Variants in CTNNA3 observed in about 807,000 individuals in gnomAD.
The protein encoded by CTNNA3 is catenin alpha 3, also known as catenin alpha-3.
CTNNA3 carries 76 observed loss-of-function variants against 95.7 expected under a neutral mutation model. The ratio of observed to expected loss-of-function variants is 0.79; its 90% CI spans 0.66 to 0.96. The LOEUF is 0.96. CTNNA3 is among the 40% of genes least tolerant of loss of function. CTNNA3 has a pLI of 0.00. For missense variants in CTNNA3, 1,191 were observed against 1,089.8 expected (o/e 1.09, Z -1.31); for synonymous variants, 431 against 374.4 (o/e 1.15, Z -1.74).
At chr10:67,648,986 T>C (rs1319119470) in intron 1 of CTNNA3, among the ~76,000 whole-genome samples, 1 of 152,238 alleles carries the variant, frequency 6.6e-6, no homozygotes, top group African/African-American at 2.4e-5. Context: ...GAAATCTAAA[T>C]TGACAGATAG....
chr10:66,619,842 C>A (rs569434722), intron 10 of CTNNA3, among the ~76,000 whole-genome samples: 1 of 151,708 alleles, frequency 6.6e-6, no homozygotes, highest in South Asian at 2.1e-4. Flanking sequence ...TACATGTGTA[C>A]GTGTATTTAT....
intron 2 of CTNNA3, among the ~76,000 whole-genome samples, chr10:67,626,547 C>T (rs1023390912): frequency 1.3e-5 from 2 of 152,170 alleles, no homozygotes; most frequent in African/African-American, 4.8e-5. Context: ...ACGTCTGATA[C>T]ACATGAAGGG....
chr10:67,504,420 AG>A (rs1839362048), intron 5 of CTNNA3, among the ~76,000 whole-genome samples: 2 of 125,896 alleles, frequency 1.6e-5, no homozygotes, highest in Non-Finnish European at 3.2e-5. Flanking sequence ...TGGGCAACAG[AG>A]TGAGACTCCA....
At chr10:66,698,230 G>T (rs1847832258) in intron 9 of CTNNA3, among the ~76,000 whole-genome samples, 1 of 152,180 alleles carries the variant, frequency 6.6e-6, no homozygotes, top group Admixed American at 6.5e-5. Flanking sequence ...AAGTGACCTA[G>T]CAAGAATTGA....
rs117072183 is a variant in CTNNA3, at chr10:67,709,296, G to A, written c.-2+54138C>T. ...GAAATTCAGTATATATTAAAACTGCGCCAAAAAATACTACGTGTTTATGAG... is the reference window on the plus strand; with the variant it reads ...GAAATTCAGTATATATTAAAACTGCACCAAAAAATACTACGTGTTTATGAG... On this transcript the variant is annotated intron_variant, in intron 1 of 17. Coordinates refer to the CTNNA3 transcript ENST00000684154. Among the ~76,000 whole-genome samples, 585 of 152,160 alleles carry A rather than the reference G, an allele frequency of 3.8e-3. 17 individuals are homozygous for A. The East Asian group carries it at 0.078, about 20-fold the overall frequency.
At chr10:66,202,083 G>A (rs1405851438) in intron 13 of CTNNA3, among the ~76,000 whole-genome samples, 2 of 152,056 alleles carry the variant, frequency 1.3e-5, no homozygotes, top group African/African-American at 4.8e-5. Context: ...ACCACACCTG[G>A]CCTTGCCATC....
chr10:66,430,350 T>G (rs547116030), intron 11 of CTNNA3, among the ~76,000 whole-genome samples: 1 of 152,264 alleles, frequency 6.6e-6, no homozygotes, highest in East Asian at 1.9e-4. Context: ...ATAGATTCAA[T>G]GCCATCCCCT....
intron 11 of CTNNA3, among the ~76,000 whole-genome samples, chr10:66,514,430 C>A (rs1042289530): frequency 9.9e-5 from 15 of 152,148 alleles, no homozygotes; most frequent in Non-Finnish European, 2.1e-4. Flanking sequence ...TAAAACACAT[C>A]TTCAACTATC....
chr10:67,401,856 G>A (rs1050190235), intron 5 of CTNNA3, among the ~76,000 whole-genome samples: 1 of 152,126 alleles, frequency 6.6e-6, no homozygotes, highest in African/African-American at 2.4e-5. Context: ...TCCTGCCCTT[G>A]CAAAACCAAG....
At chr10:66,523,575 C>T (rs1841145430) in intron 10 of CTNNA3, among the ~76,000 whole-genome samples, 1 of 151,598 alleles carries the variant, frequency 6.6e-6, no homozygotes, top group African/African-American at 2.4e-5. Context: ...TCACGTAAAA[C>T]TAAAGCTTTT....
intron 12 of CTNNA3, among the ~76,000 whole-genome samples, chr10:66,369,823 G>A (rs2092739911): frequency 6.6e-6 from 1 of 152,042 alleles, no homozygotes; most frequent in African/African-American, 2.4e-5. Flanking sequence ...TATAGGTACT[G>A]CTCACCTAAG....
chr10:66,338,907 T>C (rs188349002), intron 12 of CTNNA3, among the ~76,000 whole-genome samples: 10 of 151,906 alleles, frequency 6.6e-5, no homozygotes, highest in African/African-American at 2.2e-4. Context: ...AAAAAATAAA[T>C]CCTTGCCATT....
At chr10:66,460,756 G>T (rs2131846863) in intron 11 of CTNNA3, among the ~76,000 whole-genome samples, 1 of 152,232 alleles carries the variant, frequency 6.6e-6, no homozygotes, top group African/African-American at 2.4e-5. Context: ...TCTTCTTCCT[G>T]AGTGGTGCAA....
intron 5 of CTNNA3, among the ~76,000 whole-genome samples, chr10:67,291,253 G>T (rs1839828260): frequency 6.6e-6 from 1 of 152,060 alleles, no homozygotes; most frequent in Admixed American, 6.5e-5. Context: ...CCCAAACTAT[G>T]CTAGCTATGG....
chr10:66,466,843 G>A (rs1838937506), intron 11 of CTNNA3, among the ~76,000 whole-genome samples: 1 of 152,246 alleles, frequency 6.6e-6, no homozygotes, highest in Middle Eastern at 3.4e-3. Context: ...GTCAATGCTT[G>A]AAAAGAATAG....
intron 11 of CTNNA3, among the ~76,000 whole-genome samples, chr10:66,474,199 G>A (rs994964410): frequency 1.3e-5 from 2 of 151,882 alleles, no homozygotes; most frequent in Non-Finnish European, 2.9e-5. Flanking sequence ...AGCCATTGAC[G>A]AACGTCTCTT....
At chr10:66,362,089 A>T (rs1026819883) in intron 12 of CTNNA3, among the ~76,000 whole-genome samples, 14 of 144,496 alleles carry the variant, frequency 9.7e-5, no homozygotes, top group African/African-American at 3.6e-4. Flanking sequence ...ACAGAGGTTC[A>T]TACACAATTT....
intron 17 of CTNNA3, among the ~76,000 whole-genome samples, chr10:65,947,576 A>G (rs559023106): frequency 6.6e-6 from 1 of 152,316 alleles, no homozygotes; most frequent in South Asian, 2.1e-4. Context: ...TTCCTTGTAC[A>G]TAAATGATGG....
intron 5 of CTNNA3, among the ~76,000 whole-genome samples, chr10:67,252,912 G>T (rs1866167133): frequency 6.6e-6 from 1 of 152,190 alleles, no homozygotes. Context: ...AAAGTTTGCA[G>T]TTTGAGGTAT....
Sources: allele counts gnomAD v4.1 joint callset (sites outside exome capture counted in the v4.1 genomes callset), GRCh38; gene constraint gnomAD v4.1.1; transcripts MANE v1.5; gene names NCBI Gene and HGNC (gene_info 2026-07-23, HGNC 2026-07-21).